The following USP12 variants were observed in gnomAD, a reference collection of about 807,000 sequenced individuals.
The protein encoded by USP12 is ubiquitin specific peptidase 12.
Under a neutral mutation model 45.5 loss-of-function variants are expected in USP12, and 19 were observed. The observed-to-expected ratio is 0.42, with a 90% CI of 0.29 to 0.61. The LOEUF (loss-of-function observed/expected upper bound fraction) is 0.61, where lower values mean the gene tolerates loss of function less well. Among genes scored for constraint, USP12 ranks in the 20% least tolerant of loss-of-function variants. USP12 has a pLI of 0.22. For missense variants in USP12, 242 were observed against 447.7 expected, an observed-to-expected ratio of 0.54 and a Z score of 4.15; for synonymous variants, 149 against 148.8, an observed-to-expected ratio of 1.00 and a Z score of -0.01.
At chr13:27,108,268 G>C (rs905570946) in intron 2 of USP12, among the ~76,000 whole-genome samples, 1 of 151,664 alleles carries the variant, frequency 6.6e-6, no homozygotes, top group African/African-American at 2.4e-5. Flanking sequence ...TCATTCTCAG[G>C]AAACTATCGC....
intron 1 of USP12, among the ~76,000 whole-genome samples, chr13:27,138,188 T>C (rs1476379124): frequency 6.6e-6 from 1 of 152,196 alleles, no homozygotes; most frequent in Non-Finnish European, 1.5e-5. Context: ...GATAATTTGT[T>C]ACACAGCACA....
chr13:27,096,359 A>C (rs1427887064), intron 3 of USP12, among the ~76,000 whole-genome samples: 1 of 152,222 alleles, frequency 6.6e-6, no homozygotes, highest in African/African-American at 2.4e-5. Context: ...CAGGTTTAAG[A>C]ATCATGTTAT....
At chr13:27,128,013 G>T (rs943468277) in intron 1 of USP12, among the ~76,000 whole-genome samples, 12 of 152,112 alleles carry the variant, frequency 7.9e-5, no homozygotes, top group Non-Finnish European at 2.9e-5. Flanking sequence ...ACAGTATTCC[G>T]ATTATTTTAT....
chr13:27,113,717 C>T (rs1875577981), intron 2 of USP12, among the ~76,000 whole-genome samples: 1 of 152,180 alleles, frequency 6.6e-6, no homozygotes, highest in Admixed American at 6.5e-5. Context: ...ACGCTTGGTA[C>T]AGTCTAGGCA....
chr13:27,151,308 C>T (rs1877558793), intron 1 of USP12, among the ~76,000 whole-genome samples: 1 of 151,660 alleles, frequency 6.6e-6, no homozygotes, highest in Non-Finnish European at 1.5e-5. Flanking sequence ...AAGATTCTGT[C>T]TCCCAAAAAA....
At chr13:27,125,677 G>A (rs1466816820) in intron 1 of USP12, among the ~76,000 whole-genome samples, 1 of 152,220 alleles carries the variant, frequency 6.6e-6, no homozygotes, top group Non-Finnish European at 1.5e-5. Flanking sequence ...GAAGCGCAAG[G>A]GGTCAAGGGA....
rs963362695 is a variant in USP12 at position 27,171,805 on chromosome 13, A to G, written c.-166T>C. The G allele has an allele frequency of 3.0e-5, 6 of 197,876 alleles. No individual in the cohort carries two copies. The highest frequency in any genetic ancestry group is 1.6e-4 in the South Asian group (1 of 6,380). The allele number at this position is 197,876 out of a possible 1,614,324, so 12.3% of individuals were successfully genotyped here. ...GCTGCCGTCGTCGCCGCCGGCGCTCAGGCACTCCCGGCCTCGGGCCCCAGC... is the reference window on the plus strand; with the variant it reads ...GCTGCCGTCGTCGCCGCCGGCGCTCGGGCACTCCCGGCCTCGGGCCCCAGC... On this transcript the variant is annotated 5_prime_UTR_variant, in exon 1 of 9. Coordinates refer to ENST00000282344, the MANE Select transcript of USP12 (RefSeq NM_182488.4).
At chr13:27,124,003 T>C (rs1182475253) in intron 1 of USP12, among the ~76,000 whole-genome samples, 1 of 152,168 alleles carries the variant, frequency 6.6e-6, no homozygotes, top group Non-Finnish European at 1.5e-5. Flanking sequence ...ATTATTTTGA[T>C]AATATAAAAG....
intron 1 of USP12, among the ~76,000 whole-genome samples, chr13:27,165,209 G>C (rs1039042922): frequency 6.6e-6 from 1 of 151,918 alleles, no homozygotes; most frequent in African/African-American, 2.4e-5. Flanking sequence ...AGTTATTTTT[G>C]TTCCCAGATA....
chr13:27,140,943 AAGAT>A (rs371480745), intron 1 of USP12, among the ~76,000 whole-genome samples: 4 of 152,030 alleles, frequency 2.6e-5, no homozygotes, highest in East Asian at 1.9e-4. Context: ...TCCAATTAAA[AAGAT>A]AGAAGATTCG....
At chr13:27,116,454 C>T in intron 2 of USP12, 62 bp downstream of exon 2, 1 of 1,439,668 alleles carries the variant, frequency 6.9e-7, no homozygotes, top group South Asian at 1.2e-5. Flanking sequence ...TTATGGAATG[C>T]ATTCATCGTT....
Position 27,113,289 on chromosome 13 carries a change from C to A in USP12, c.129+3227G>T, listed in dbSNP as rs531152893. Reference sequence around the variant, plus strand: ...AAACAAAAACAAACAAACAAACAAACAAAAAACCCAGACAAATAAAAAATA... The same window carrying A: ...AAACAAAAACAAACAAACAAACAAAAAAAAAACCCAGACAAATAAAAAATA... On this transcript the variant is annotated intron_variant, in intron 2 of 8. Transcript: ENST00000282344. 7.9e-5 allele frequency among the ~76,000 whole-genome samples: 12 copies of A among 152,120 alleles called. 1 individual carries two copies. In the South Asian group the frequency reaches 2.3e-3, roughly 29 times the overall value.
intron 2 of USP12, among the ~76,000 whole-genome samples, chr13:27,106,897 A>G (rs1214525135): frequency 1.3e-5 from 2 of 152,214 alleles, no homozygotes; most frequent in Non-Finnish European, 2.9e-5. Context: ...AAAAATAAAC[A>G]AAACCTAAAT....
At chr13:27,084,497 G>GAAAAAAAAAAAAAA (rs397851869) in intron 6 of USP12, among the ~76,000 whole-genome samples, 1 of 98,514 alleles carries the variant, frequency 1.0e-5, no homozygotes. Flanking sequence ...ACAGTGAGAT[G>GAAAAAAAAAAAAAA]AAAAAAAAAA....
chr13:27,099,523 A>G (rs1000095417), intron 3 of USP12, among the ~76,000 whole-genome samples: 2 of 152,014 alleles, frequency 1.3e-5, no homozygotes, highest in African/African-American at 4.8e-5. Context: ...TTCCATTTCC[A>G]TTTAAATCTA....
intron 1 of USP12, among the ~76,000 whole-genome samples, chr13:27,161,809 G>C (rs1049749640): frequency 1.3e-5 from 2 of 151,884 alleles, no homozygotes; most frequent in Admixed American, 6.6e-5. Context: ...TTGAGCCCGG[G>C]GGGCAGAGGT....
chr13:27,119,616 C>T (rs756427566), intron 1 of USP12, among the ~76,000 whole-genome samples: 1 of 152,214 alleles, frequency 6.6e-6, no homozygotes, highest in Non-Finnish European at 1.5e-5. Flanking sequence ...TTTCTAAAAT[C>T]CCTTCTCACT....
rs374914316 is a variant in USP12, at chr13:27,095,834, A to C, written c.344-4T>G. ...TGCATGTAGTTGTCAAAAAGCTCTG[A>C]AAATAAAAACATTATATTAGAGAAT... On this transcript the variant is annotated splice_polypyrimidine_tract_variant and splice_region_variant and intron_variant, in intron 3 of 8. Transcript: ENST00000282344. The C allele has an allele frequency of 2.5e-6, 4 of 1,577,064 alleles. No individual in the cohort carries two copies. The African/African-American group carries it at 5.5e-5, about 22-fold the overall frequency.
chr13:27,148,795 T>C (rs376324044), intron 1 of USP12, among the ~76,000 whole-genome samples: 3 of 141,736 alleles, frequency 2.1e-5, no homozygotes, highest in Admixed American at 7.0e-5. Flanking sequence ...ATCATCTTAA[T>C]ACACACACAC....
Sources: allele counts gnomAD v4.1 joint callset (sites outside exome capture counted in the v4.1 genomes callset), GRCh38; gene constraint gnomAD v4.1.1; transcripts MANE v1.5; gene names NCBI Gene and HGNC (gene_info 2026-07-23, HGNC 2026-07-21).